CCDC178: variants seen among roughly 807,000 people sequenced by gnomAD.
CCDC178 encodes coiled-coil domain containing 178.
In CCDC178, 126 loss-of-function variants were observed where a neutral mutation model predicts 117.4. That is an observed-to-expected ratio of 1.07 (90% CI 0.93 to 1.24). The LOEUF (loss-of-function observed/expected upper bound fraction) is 1.24, where lower values mean the gene tolerates loss of function less well. Among genes scored for constraint, CCDC178 ranks in the 50% most tolerant of loss-of-function variants. The pLI is 0.00. For synonymous variants in CCDC178, 283 were observed against 313.4 expected, an observed-to-expected ratio of 0.90 and a Z score of 1.02; for missense variants, 1,030 against 986.9, an observed-to-expected ratio of 1.04 and a Z score of -0.59.
chr18:33,387,875 C>A lies in CCDC178; in HGVS notation c.208+1665G>T, dbSNP rs116291900. Among the ~76,000 whole-genome samples, 1,463 of 152,266 alleles carry A rather than the reference C, an allele frequency of 9.6e-3. 17 individuals are homozygous for A. Among genetic ancestry groups the A allele is most frequent in the African/African-American group, 0.033 (1,384 of 41,552 alleles). On this transcript the variant is annotated intron_variant, in intron 5 of 22. Transcript: ENST00000383096. ...AATTTACAAATGAGATCTAATTAAA[C>A]TACAGAGCTTCTGCATAGCAAAAGA...
chr18:33,390,771 A>G (rs1229430730), intron 4 of CCDC178, among the ~76,000 whole-genome samples: 1 of 152,028 alleles, frequency 6.6e-6, no homozygotes, highest in Non-Finnish European at 1.5e-5. Flanking sequence ...GTATTAAATT[A>G]TAAATTTAAG....
At chr18:33,123,269 T>G (rs1277628932) in intron 20 of CCDC178, among the ~76,000 whole-genome samples, 1 of 152,102 alleles carries the variant, frequency 6.6e-6, no homozygotes, top group Non-Finnish European at 1.5e-5. Flanking sequence ...CTGTTTGCCT[T>G]GGTGTACCAA....
chr18:32,955,187 A>T (rs2054569471), intron 22 of CCDC178, among the ~76,000 whole-genome samples: 1 of 152,124 alleles, frequency 6.6e-6, no homozygotes, highest in Non-Finnish European at 1.5e-5. Flanking sequence ...TTTTCTTTAC[A>T]TCAATTTCCA....
intron 20 of CCDC178, among the ~76,000 whole-genome samples, chr18:33,124,171 T>C (rs1413118448): frequency 1.3e-5 from 2 of 152,210 alleles, no homozygotes; most frequent in Non-Finnish European, 2.9e-5. Flanking sequence ...TGTCTGCAGT[T>C]TGCATTGTTT....
chr18:33,027,848 C>T (rs1374883365), intron 21 of CCDC178, among the ~76,000 whole-genome samples: 1 of 151,514 alleles, frequency 6.6e-6, no homozygotes, highest in Admixed American at 6.6e-5. Flanking sequence ...ACTACGAAAA[C>T]AACCTCCAAA....
At chr18:33,263,988 TACA>T (rs2059783616) in intron 14 of CCDC178, among the ~76,000 whole-genome samples, 1 of 151,838 alleles carries the variant, frequency 6.6e-6, no homozygotes, top group African/African-American at 2.4e-5. Context: ...AGAAGCAAAT[TACA>T]AAGACTACAG....
At chr18:33,413,551 C>T (rs533946840) in intron 2 of CCDC178, among the ~76,000 whole-genome samples, 1 of 151,734 alleles carries the variant, frequency 6.6e-6, no homozygotes, top group African/African-American at 2.4e-5. Context: ...GCTTCTACTG[C>T]TATTAAAAAA....
intron 3 of CCDC178, among the ~76,000 whole-genome samples, chr18:33,408,355 C>A (rs2063809170): frequency 6.6e-6 from 1 of 151,722 alleles, no homozygotes; most frequent in African/African-American, 2.4e-5. Flanking sequence ...ACACAAAAAA[C>A]CAGCCTAGTG....
At chr18:33,267,734 A>T (rs2059835875) in intron 12 of CCDC178, among the ~76,000 whole-genome samples, 1 of 151,526 alleles carries the variant, frequency 6.6e-6, no homozygotes, top group Non-Finnish European at 1.5e-5. Flanking sequence ...TATTACTATT[A>T]TAATACTGAA....
At chr18:33,098,939 G>A (rs1035747052) in intron 20 of CCDC178, among the ~76,000 whole-genome samples, 1 of 151,954 alleles carries the variant, frequency 6.6e-6, no homozygotes, top group African/African-American at 2.4e-5. Context: ...CTATCAAGTG[G>A]GGGAACAGCA....
chr18:33,074,457 T>G (rs1567972113), intron 21 of CCDC178, among the ~76,000 whole-genome samples: 2 of 152,216 alleles, frequency 1.3e-5, no homozygotes, highest in Admixed American at 6.5e-5. Flanking sequence ...TGGTTTCTTT[T>G]GCTTAAAATT....
At chr18:33,178,623 T>C (rs1472286369) in intron 20 of CCDC178, among the ~76,000 whole-genome samples, 1 of 152,144 alleles carries the variant, frequency 6.6e-6, no homozygotes, top group Non-Finnish European at 1.5e-5. Context: ...GGTCTCCCAC[T>C]ACATGGCCAT....
chr18:32,988,110 A>G (rs140787246), intron 21 of CCDC178, among the ~76,000 whole-genome samples: 1 of 140,786 alleles, frequency 7.1e-6, no homozygotes, highest in Non-Finnish European at 1.5e-5. Flanking sequence ...TAATAATAAT[A>G]ATAATAATAA....
intron 21 of CCDC178, among the ~76,000 whole-genome samples, chr18:33,039,109 A>C (rs182995487): frequency 6.6e-6 from 1 of 152,104 alleles, no homozygotes; most frequent in Non-Finnish European, 1.5e-5. Context: ...ACAAAGAGAC[A>C]TGAAAATAAA....
At chr18:33,251,684 G>A (rs961310815) in intron 14 of CCDC178, among the ~76,000 whole-genome samples, 1 of 151,586 alleles carries the variant, frequency 6.6e-6, no homozygotes, top group Admixed American at 6.6e-5. Context: ...CTAATACAAG[G>A]TCTCCTCTCT....
At chr18:33,038,567 C>A (rs1453872967) in intron 21 of CCDC178, among the ~76,000 whole-genome samples, 1 of 151,954 alleles carries the variant, frequency 6.6e-6, no homozygotes, top group African/African-American at 2.4e-5. Flanking sequence ...CTTAGAATGT[C>A]ATGTTCTTTG....
At chr18:33,103,105 G>A (rs2057654839) in intron 20 of CCDC178, among the ~76,000 whole-genome samples, 1 of 151,732 alleles carries the variant, frequency 6.6e-6, no homozygotes, top group South Asian at 2.1e-4. Flanking sequence ...ACCTGAGACT[G>A]GGAAGAAAAA....
At chr18:33,157,974 A>G (rs2058421049) in intron 20 of CCDC178, among the ~76,000 whole-genome samples, 1 of 151,976 alleles carries the variant, frequency 6.6e-6, no homozygotes, top group African/African-American at 2.4e-5. Flanking sequence ...TTTCTTTTCC[A>G]CTGGATTTGG....
intron 21 of CCDC178, among the ~76,000 whole-genome samples, chr18:33,066,153 GC>G (rs1567966908): frequency 6.6e-6 from 1 of 152,042 alleles, no homozygotes; most frequent in African/African-American, 2.4e-5. Context: ...GAGCCACCGC[GC>G]CTGGCCTGTT....
Sources: gnomAD v4.1 joint callset for allele counts (sites outside exome capture counted in the v4.1 genomes callset) on GRCh38, gnomAD v4.1.1 for gene constraint, MANE v1.5 for transcripts, NCBI Gene and HGNC (gene_info 2026-07-23, HGNC 2026-07-21) for gene names.